PCLO: variants seen among roughly 807,000 people sequenced by gnomAD.
PCLO encodes protein piccolo.
PCLO carries 82 observed loss-of-function variants against 427.5 expected under a neutral mutation model. The observed-to-expected ratio is 0.19, with a 90% CI of 0.16 to 0.23. The LOEUF (loss-of-function observed/expected upper bound fraction) is 0.23, where lower values mean the gene tolerates loss of function less well. Among genes scored for constraint, PCLO ranks in the 10% least tolerant of loss-of-function variants. The pLI, the probability that PCLO is intolerant of heterozygous loss-of-function variation, is 1.00. For missense variants in PCLO, 6,239 were observed against 6,115.9 expected (o/e 1.02, Z -0.67); for synonymous variants, 2,357 against 2,155.4 (o/e 1.09, Z -2.59).
intron 21 of PCLO, among the ~76,000 whole-genome samples, chr7:82,802,755 A>G (rs532789689): frequency 7.1e-4 from 108 of 152,172 alleles, no homozygotes; most frequent in Non-Finnish European, 1.3e-3. Flanking sequence ...CCTGCTGAAA[A>G]TGTAACCATA....
chr7:82,816,470 A>C (rs935555230), intron 20 of PCLO, among the ~76,000 whole-genome samples: 2 of 152,004 alleles, frequency 1.3e-5, no homozygotes, highest in African/African-American at 4.8e-5. Flanking sequence ...TGCCTGTCTT[A>C]CTTCCACAGG....
intron 3 of PCLO, among the ~76,000 whole-genome samples, chr7:83,060,923 T>G (rs760353465): frequency 3.3e-5 from 5 of 152,232 alleles, no homozygotes; most frequent in Admixed American, 6.5e-5. Flanking sequence ...CCATAAAGTT[T>G]GGTAGATATA....
intron 3 of PCLO, among the ~76,000 whole-genome samples, chr7:82,999,281 A>G (rs1469647747): frequency 7.0e-6 from 1 of 143,510 alleles, no homozygotes; most frequent in Non-Finnish European, 1.5e-5. Flanking sequence ...TATTAAATAT[A>G]TATGGATATA....
At chr7:83,001,912 T>C (rs1171841016) in intron 3 of PCLO, among the ~76,000 whole-genome samples, 1 of 152,046 alleles carries the variant, frequency 6.6e-6, no homozygotes, top group Non-Finnish European at 1.5e-5. Flanking sequence ...TACATAAAGG[T>C]TTGGGATTCT....
chr7:83,126,399 T>C (rs1030868036), intron 3 of PCLO, among the ~76,000 whole-genome samples: 1 of 152,106 alleles, frequency 6.6e-6, no homozygotes, highest in African/African-American at 2.4e-5. Flanking sequence ...CTAACACAAA[T>C]AAATGAGAAA....
chr7:83,023,893 A>G (rs1788409474), intron 3 of PCLO, among the ~76,000 whole-genome samples: 1 of 152,244 alleles, frequency 6.6e-6, no homozygotes, highest in Non-Finnish European at 1.5e-5. Flanking sequence ...TGAAATTCCA[A>G]TAGCCATTCC....
chr7:83,154,835 T>C lies in PCLO; in HGVS notation c.1806A>G (p.Pro602=). ...TGCATGTGTTAAAATTGGCCTTTTC[T>C]GGAACATGCAACAGAAGTTCAGTGG... is the stretch of plus-strand genomic sequence containing the variant. ...CNTTELLLHV[P]EKANFNTCTE... The change falls in exon 2 of 25, where the codon CCA becomes CCG. Residue 602 remains proline, a synonymous_variant. Transcript: ENST00000333891. 1.2e-6 allele frequency: 2 copies of C among 1,614,020 alleles called. No homozygotes were observed. The highest frequency in any genetic ancestry group is 1.1e-5 in the South Asian group (1 of 91,076).
At chr7:83,094,242 G>A (rs113096737) in intron 3 of PCLO, among the ~76,000 whole-genome samples, 7,211 of 126,534 alleles carry the variant, frequency 0.057, 296 homozygotes, top group African/African-American at 0.11. Context: ...CAGAGTCTCC[G>A]TCTGTCACCA....
At chr7:82,795,805 A>T (rs1465686518) in intron 22 of PCLO, among the ~76,000 whole-genome samples, 3 of 152,186 alleles carry the variant, frequency 2.0e-5, no homozygotes, top group Admixed American at 6.5e-5. Flanking sequence ...TGTGATATTT[A>T]CACATCTTTT....
chr7:83,095,596 G>A (rs1244736971), intron 3 of PCLO, among the ~76,000 whole-genome samples: 1 of 151,770 alleles, frequency 6.6e-6, no homozygotes, highest in Non-Finnish European at 1.5e-5. Flanking sequence ...CATTGCTTTA[G>A]ATGAGCTCCA....
intron 3 of PCLO, among the ~76,000 whole-genome samples, chr7:83,095,522 T>G (rs2116459316): frequency 6.6e-6 from 1 of 152,054 alleles, no homozygotes; most frequent in African/African-American, 2.4e-5. Flanking sequence ...GAGCTTAGAT[T>G]ATTAATCTGA....
chr7:82,861,736 A>G (rs1792961988), intron 10 of PCLO, among the ~76,000 whole-genome samples: 1 of 152,070 alleles, frequency 6.6e-6, no homozygotes, highest in Non-Finnish European at 1.5e-5. Flanking sequence ...TAGGTCACAA[A>G]ACAAGTTTTA....
chr7:82,851,287 C>T (rs762074996), intron 10 of PCLO, among the ~76,000 whole-genome samples: 2 of 151,224 alleles, frequency 1.3e-5, no homozygotes, highest in Non-Finnish European at 2.9e-5. Context: ...TGAACGCTCA[C>T]GATGAAAATA....
chr7:82,953,813 A>G lies in PCLO; in HGVS notation c.7140T>C (p.Ser2380=), dbSNP rs1441117829. The G allele has an allele frequency of 6.2e-7, 1 of 1,608,450 alleles. No homozygotes were observed. Among genetic ancestry groups the G allele is most frequent in the East Asian group, 2.2e-5 (1 of 44,690 alleles). ...TAGCTGGAAGAGAGGAAACAGAAGG[A>G]CTGCCAGATGGTAACTGAGATGCAG... ...EKPASQLPSG[S]PSVSSLPAKP... Residue 2380 remains serine (S), a synonymous_variant, in exon 5 of 25, where the codon AGT becomes AGC. Coordinates refer to ENST00000333891, the MANE Select transcript of PCLO (RefSeq NM_033026.6).
chr7:83,126,665 T>A (rs983511141), intron 3 of PCLO, among the ~76,000 whole-genome samples: 1 of 151,968 alleles, frequency 6.6e-6, no homozygotes, highest in Non-Finnish European at 1.5e-5. Context: ...GATAGATAAA[T>A]TGATAAAGAT....
intron 3 of PCLO, among the ~76,000 whole-genome samples, chr7:83,006,877 C>T (rs143388000): frequency 7.9e-5 from 12 of 151,580 alleles, no homozygotes; most frequent in African/African-American, 2.9e-4. Flanking sequence ...AATTGAAATT[C>T]TCCCTGGTTC....
chr7:82,999,241 A>C (rs1448393100), intron 3 of PCLO, among the ~76,000 whole-genome samples: 1 of 145,294 alleles, frequency 6.9e-6, no homozygotes, highest in East Asian at 2.0e-4. Flanking sequence ...TATTATATAA[A>C]ATATATATGG....
In PCLO at chr7:82,950,073, G is replaced by A; in HGVS notation, c.10515C>T (p.Asp3505=). ...GKYGDSMTEA[D]KTKPLSKVSS... ...AGACTTTGGAAAGGGGTTTGGTCTT[G>A]TCAGCCTCTGTCATGCTGTCACCAT... is the stretch of plus-strand genomic sequence containing the variant. Residue 3505 remains aspartate (D), a synonymous_variant, in exon 6 of 25, where the codon GAC becomes GAT. Transcript: ENST00000333891. 1 of 1,606,028 alleles carries A rather than the reference G, an allele frequency of 6.2e-7. No individual in the cohort carries two copies. The highest frequency in any genetic ancestry group is 1.7e-4 in the Middle Eastern group (1 of 6,026).
chr7:83,078,637 T>A (rs181929874), intron 3 of PCLO, among the ~76,000 whole-genome samples: 71 of 152,024 alleles, frequency 4.7e-4, no homozygotes, highest in Admixed American at 2.1e-3. Flanking sequence ...GTTCAAGCAA[T>A]TCTCCTGCCT....
Sources: gnomAD v4.1 joint callset for allele counts (sites outside exome capture counted in the v4.1 genomes callset) on GRCh38, gnomAD v4.1.1 for gene constraint, MANE v1.5 for transcripts, NCBI Gene and HGNC (gene_info 2026-07-23, HGNC 2026-07-21) for gene names.